XRN1: variants seen among roughly 807,000 people sequenced by gnomAD.
XRN1 encodes strand-exchange protein 1 homolog.
A neutral mutation model predicts 222.3 loss-of-function variants in XRN1; 67 were observed. The ratio of observed to expected loss-of-function variants is 0.30; its 90% confidence interval spans 0.25 to 0.37. XRN1 has a LOEUF of 0.37. Among genes scored for constraint, XRN1 ranks in the 10% least tolerant of loss-of-function variants. The probability of loss-of-function intolerance (pLI) is 1.00; values close to 1 mark genes in which losing one functional copy is unlikely to be tolerated. For synonymous variants in XRN1, 643 were observed against 652.4 expected, an observed-to-expected ratio of 0.99 and a Z score of 0.22; for missense variants, 1,707 against 2,000.2, an observed-to-expected ratio of 0.85 and a Z score of 2.80.
At chr3:142,397,514 G>T in intron 19 of XRN1, 54 bp from the exon 20 acceptor site, 1 of 1,397,058 alleles carries the variant, frequency 7.2e-7, no homozygotes, top group Non-Finnish European at 9.5e-7. Context: ...TTAATATAGA[G>T]TTCTAGCAGT....
At chr3:142,324,466 C>G (rs375521018) in intron 37 of XRN1, among the ~76,000 whole-genome samples, 60 of 152,098 alleles carry the variant, frequency 3.9e-4, no homozygotes, top group South Asian at 1.0e-3. Context: ...TGGTGTATAT[C>G]TGCCACATTT....
In XRN1 at chr3:142,364,518, AGATT is replaced by A. The variant is rs929353837; in HGVS notation, c.3394+525_3394+528del. ...AACTGTATGCACACTGTTGTGCAACAGATTGATAGGTCTATTTTATATATGTAAT... is the reference window on the plus strand; with the variant it reads ...AACTGTATGCACACTGTTGTGCAACAGATAGGTCTATTTTATATATGTAAT... On this transcript the variant is annotated intron_variant, in intron 29 of 40. Coordinates refer to ENST00000392981, the MANE Select transcript of XRN1 (RefSeq NM_001282857.2). Among the ~76,000 whole-genome samples the A allele has an allele frequency of 4.7e-4, 71 of 152,258 alleles. 1 individual carries two copies. Among genetic ancestry groups the A allele is most frequent in the Admixed American group, 4.1e-3 (62 of 15,296 alleles).
rs566909975 is a variant in XRN1 at position 142,391,707 on chromosome 3, C to T, written c.2339+5622G>A. On this transcript the variant is annotated intron_variant, in intron 20 of 40. Transcript: ENST00000392981. ...TATGAATGTGCCACTGCACTCCACC[C>T]TGAGTGACATAGTAAGACCCCGTCT... Among the ~76,000 whole-genome samples the T allele has an allele frequency of 1.4e-4, 21 of 147,990 alleles. No individual in the cohort carries two copies. The South Asian group carries it at 4.3e-3, about 30-fold the overall frequency.
rs1441772460 is a variant in XRN1 at position 142,447,472 on chromosome 3, G to A, written c.75+398C>T. Reference sequence around the variant, plus strand: ...GTTATCGTCTGTAAGTGGGTCTGCCGCTCTGGGTGGGATGGGGGAACCTAC... The same window carrying A: ...GTTATCGTCTGTAAGTGGGTCTGCCACTCTGGGTGGGATGGGGGAACCTAC... On this transcript the variant is annotated intron_variant, in intron 1 of 40. Coordinates refer to ENST00000392981, the MANE Select transcript of XRN1 (RefSeq NM_001282857.2). This position sits in a 1 kb window ranked among gnomAD's most constrained non-coding sequence, Gnocchi z 4.2. Among the ~76,000 whole-genome samples, 1 of 152,178 alleles carries A rather than the reference G, an allele frequency of 6.6e-6. No homozygotes were observed. Among genetic ancestry groups the A allele is most frequent in the African/African-American group, 2.4e-5 (1 of 41,448 alleles).
chr3:142,422,721 T>C lies in XRN1; in HGVS notation c.828A>G (p.Glu276=). ...KEKITFKYDI[E]RIIDDWILMG... ...TCAAAATCCAATCATCTATTATCCT[T>C]TCAATATCATATTTAAATGTGATCT... is the stretch of plus-strand genomic sequence containing the variant. Residue 276 remains glutamate, a synonymous_variant, in exon 8 of 41, where the codon GAA becomes GAG. Transcript: ENST00000392981. The C allele has an allele frequency of 6.2e-7, 1 of 1,611,574 alleles. No individual in the cohort carries two copies. The highest frequency in any genetic ancestry group is 8.5e-7 in the Non-Finnish European group (1 of 1,178,684).
At chr3:142,343,405 G>A (rs893439895) in intron 33 of XRN1, among the ~76,000 whole-genome samples, 24 of 151,594 alleles carry the variant, frequency 1.6e-4, no homozygotes, top group South Asian at 2.1e-4. Flanking sequence ...AGTGAGCTGA[G>A]ATCGCACCAT....
In XRN1 at chr3:142,413,766, A is replaced by G. The variant is rs112281376; in HGVS notation, c.1593+369T>C. ...TAAATGACTTATTAGAACCATCCCT[A>G]TACCAAAATGTAGACAGTAAAGGGA... On this transcript the variant is annotated intron_variant, in intron 14 of 40. Coordinates refer to ENST00000392981, the MANE Select transcript of XRN1 (RefSeq NM_001282857.2). 2.3e-3 allele frequency among the ~76,000 whole-genome samples: 358 copies of G among 152,356 alleles called. 1 individual carries two copies. Among genetic ancestry groups the G allele is most frequent in the African/African-American group, 7.9e-3 (328 of 41,588 alleles).
At chr3:142,347,121 AT>A in intron 33 of XRN1, 112 bp downstream of exon 33, 1 of 785,068 alleles carries the variant, frequency 1.3e-6, no homozygotes, top group Non-Finnish European at 2.0e-6. Flanking sequence ...CACTTATCGT[AT>A]ACTTTAAAAT....
At position 142,447,006 on chromosome 3, in the gene XRN1, G is replaced by C. The variant is rs979937146; in HGVS notation, c.75+864C>G. Among the ~76,000 whole-genome samples the C allele has an allele frequency of 6.9e-6, 1 of 144,490 alleles. No homozygotes were observed. Among genetic ancestry groups the C allele is most frequent in the Non-Finnish European group, 1.5e-5 (1 of 67,976 alleles). 94.8% of individuals were successfully genotyped at this position (144,490 alleles called of 152,430 possible). A position where few individuals can be genotyped will look rare whatever the true frequency, so the allele number is the denominator to read the frequency against. ...TTTTTTTCTGTAAAGCATCAGAAAA[G>C]AGATCAAATTCATTAAATGTGACAA... On this transcript the variant is annotated intron_variant, in intron 1 of 40. Transcript: ENST00000392981. The surrounding 1 kb of genome is among the most constrained non-coding windows in gnomAD (Gnocchi z 4.2).
chr3:142,335,076 G>C (rs1356147127), intron 34 of XRN1, among the ~76,000 whole-genome samples: 2 of 151,720 alleles, frequency 1.3e-5, no homozygotes, highest in Non-Finnish European at 2.9e-5. Context: ...CCTGACCTCA[G>C]GTGATCCGCC....
rs377397283 is a variant in XRN1 at position 142,426,787 on chromosome 3, A to G, written c.363T>C (p.Thr121=). 260 of 1,613,720 alleles carry G rather than the reference A, an allele frequency of 1.6e-4. No individual in the cohort carries two copies. Among genetic ancestry groups the G allele is most frequent in the Middle Eastern group, 1.2e-3 (7 of 6,078 alleles). ...AATCAAATCTGGCCTCTGTAGGAAG[A>G]GTTTCTCCCTTCTCTATTGCCTTTT... ...KIKKAIEKGE[T]LPTEARFDSN... is the part of the protein sequence containing the mutation. The change falls in exon 3 of 41, where the codon ACT becomes ACC. Residue 121 remains threonine (T), a synonymous_variant. Coordinates refer to ENST00000392981, the MANE Select transcript of XRN1 (RefSeq NM_001282857.2).
intron 32 of XRN1, among the ~76,000 whole-genome samples, chr3:142,351,890 CA>C (rs1196429419): frequency 6.8e-6 from 1 of 147,744 alleles, no homozygotes; most frequent in East Asian, 2.0e-4. Flanking sequence ...AGAAGAAGAA[CA>C]TTTTTTTTTA....
intron 36 of XRN1, among the ~76,000 whole-genome samples, chr3:142,330,791 G>A (rs771208876): frequency 6.6e-6 from 1 of 152,160 alleles, no homozygotes; most frequent in South Asian, 2.1e-4. Context: ...AATGGGGTTA[G>A]GTTCTGCTTT....
At chr3:142,358,522 T>C (rs1224467200) in intron 30 of XRN1, among the ~76,000 whole-genome samples, 2 of 152,186 alleles carry the variant, frequency 1.3e-5, no homozygotes, top group East Asian at 1.9e-4. Context: ...ATTACAGAAA[T>C]GAATACACTG....
intron 14 of XRN1, among the ~76,000 whole-genome samples, chr3:142,413,810 A>G (rs1301906500): frequency 6.6e-6 from 1 of 152,206 alleles, no homozygotes; most frequent in Non-Finnish European, 1.5e-5. Context: ...GAATCTATAA[A>G]TGTTTAGATA....
chr3:142,400,749 T>C (rs536167558), intron 18 of XRN1, among the ~76,000 whole-genome samples: 1 of 152,146 alleles, frequency 6.6e-6, no homozygotes, highest in South Asian at 2.1e-4. Flanking sequence ...TGAAACCCCA[T>C]CTCTACTAAA....
chr3:142,445,197 A>G (rs2070451615), intron 1 of XRN1, among the ~76,000 whole-genome samples: 1 of 148,734 alleles, frequency 6.7e-6, no homozygotes, highest in Non-Finnish European at 1.5e-5. Context: ...TCAGCTCTGC[A>G]TTTTTTTTTC....
At chr3:142,360,889 A>AAC (rs140504841) in intron 29 of XRN1, among the ~76,000 whole-genome samples, 2 of 151,174 alleles carry the variant, frequency 1.3e-5, no homozygotes, top group African/African-American at 4.9e-5. Flanking sequence ...AAAAAAAAAA[A>AAC]ACCAAACAAC....
At chr3:142,436,469 T>C (rs558628871) in intron 1 of XRN1, among the ~76,000 whole-genome samples, 288 of 152,338 alleles carry the variant, frequency 1.9e-3, no homozygotes, top group African/African-American at 6.6e-3. Context: ...AGTTTGGGAC[T>C]AGAATGTAAA....
Sources: allele counts gnomAD v4.1 joint callset (sites outside exome capture counted in the v4.1 genomes callset), GRCh38; gene constraint gnomAD v4.1.1; non-coding constraint Gnocchi (gnomAD v3.1); transcripts MANE v1.5; gene names NCBI Gene and HGNC (gene_info 2026-07-23, HGNC 2026-07-21).